Variants in PLEKHG1 observed in about 807,000 individuals in gnomAD.
PLEKHG1 encodes the protein pleckstrin homology and RhoGEF domain containing G1, also known as pleckstrin homology domain-containing family G member 1.
Under a neutral mutation model 100.8 loss-of-function variants are expected in PLEKHG1, and 44 were observed. The observed-to-expected ratio is 0.44, with a 90% confidence interval of 0.34 to 0.56. The LOEUF (loss-of-function observed/expected upper bound fraction) is 0.56. Ranked by LOEUF, PLEKHG1 falls within the 20% of genes least tolerant of loss-of-function variation. The pLI is 0.01. For missense variants in PLEKHG1, 1,545 were observed against 1,720.9 expected, an observed-to-expected ratio of 0.90 and a Z score of 1.81; for synonymous variants, 640 against 662.5, an observed-to-expected ratio of 0.97 and a Z score of 0.52.
intron 2 of PLEKHG1, among the ~76,000 whole-genome samples, chr6:150,767,230 C>T (rs1354318350): frequency 6.6e-6 from 1 of 151,980 alleles, no homozygotes; most frequent in Admixed American, 6.6e-5. Flanking sequence ...TTTTTTGGGC[C>T]TGTCTGTCCT....
intron 1 of PLEKHG1, among the ~76,000 whole-genome samples, chr6:150,615,035 G>A (rs759353603): frequency 2.6e-5 from 4 of 152,180 alleles, no homozygotes; most frequent in African/African-American, 4.8e-5. Flanking sequence ...ATATCCAGGT[G>A]AAATTGTTGT....
rs144320144 is a variant in PLEKHG1, at chr6:150,657,659, T to C, written c.-99+6873T>C. On this transcript the variant is annotated intron_variant, in intron 3 of 3. Transcript: ENST00000367326. ...CAGATGCATAATGGTTAGCAAGTTA[T>C]TCACTTGTTATAAAGCTAGGTACAA... 2.7e-4 allele frequency among the ~76,000 whole-genome samples: 41 copies of C among 152,356 alleles called. No homozygotes were observed. The East Asian group carries it at 4.2e-3, about 16-fold the overall frequency.
At position 150,674,628 on chromosome 6, in the gene PLEKHG1, C is replaced by CCT. The variant is rs35289522; in HGVS notation, c.-99+23844_-99+23845dup. 2.3e-4 allele frequency among the ~76,000 whole-genome samples: 12 copies of CCT among 51,848 alleles called. 1 individual carries two copies. Among genetic ancestry groups the CCT allele is most frequent in the African/African-American group, 8.4e-4 (11 of 13,068 alleles). 34.0% of individuals were successfully genotyped at this position (51,848 alleles called of 152,430 possible). On this transcript the variant is annotated intron_variant, in intron 3 of 3. Coordinates refer to the PLEKHG1 transcript ENST00000367326. ...ATTACACCTGTAACTTTCTCTCTCT[C>CCT]CTCCCTCTCTCTCTCTCTCTCTCTC...
intron 2 of PLEKHG1, among the ~76,000 whole-genome samples, chr6:150,648,193 TCTTAAC>T (rs1778578470): frequency 6.6e-6 from 1 of 152,158 alleles, no homozygotes; most frequent in Admixed American, 6.5e-5. Flanking sequence ...TTTTAAATGA[TCTTAAC>T]CTTTACTATT....
intron 2 of PLEKHG1, among the ~76,000 whole-genome samples, chr6:150,752,921 C>T (rs192435955): frequency 1.2e-4 from 18 of 152,118 alleles, no homozygotes; most frequent in African/African-American, 4.1e-4. Context: ...AAGCCAGCCT[C>T]GGCAACATGG....
intron 3 of PLEKHG1, among the ~76,000 whole-genome samples, chr6:150,679,167 A>C (rs145172433): frequency 6.6e-6 from 1 of 152,252 alleles, no homozygotes; most frequent in Admixed American, 6.5e-5. Flanking sequence ...TCATGTTTGT[A>C]GGATTTTAAA....
chr6:150,771,000 C>T (rs1365494314), intron 3 of PLEKHG1, among the ~76,000 whole-genome samples: 1 of 152,204 alleles, frequency 6.6e-6, no homozygotes, highest in Non-Finnish European at 1.5e-5. Context: ...GGCATTCAGC[C>T]ACGTGCCCTC....
At chr6:150,644,969 GT>G (rs1176719934) in intron 2 of PLEKHG1, among the ~76,000 whole-genome samples, 2 of 152,092 alleles carry the variant, frequency 1.3e-5, no homozygotes, top group Non-Finnish European at 2.9e-5. Context: ...AATTCAACAT[GT>G]TTTTGGTGGA....
intron 3 of PLEKHG1, among the ~76,000 whole-genome samples, chr6:150,685,844 AG>A (rs968092035): frequency 2.0e-5 from 3 of 152,188 alleles, no homozygotes; most frequent in Admixed American, 6.5e-5. Context: ...TAACTAGGGA[AG>A]GGGGGAAAAA....
intron 14 of PLEKHG1, 63 bp from the exon 16 acceptor site, chr6:150,830,519 T>A: frequency 8.2e-7 from 1 of 1,226,904 alleles, no homozygotes. Context: ...CAGGAGAAAT[T>A]CCTGAGTTAT....
chr6:150,677,316 A>G (rs1322232438), intron 3 of PLEKHG1, among the ~76,000 whole-genome samples: 9 of 151,966 alleles, frequency 5.9e-5, no homozygotes, highest in East Asian at 1.9e-4. Flanking sequence ...GCGCGCGCAC[A>G]CACACCACCA....
chr6:150,827,881 T>C (rs374758309), intron 14 of PLEKHG1: 37 of 1,497,506 alleles, frequency 2.5e-5, no homozygotes, highest in Non-Finnish European at 2.9e-5. Context: ...GCTATTGAAA[T>C]GTACAGACAG....
intron 1 of PLEKHG1, among the ~76,000 whole-genome samples, chr6:150,629,140 A>T (rs1165067753): frequency 6.6e-6 from 1 of 152,228 alleles, no homozygotes; most frequent in Non-Finnish European, 1.5e-5. Flanking sequence ...TACTTTGGCC[A>T]GTCTGAAATA....
intron 1 of PLEKHG1, among the ~76,000 whole-genome samples, chr6:150,602,433 G>A (rs1345512433): frequency 6.6e-6 from 1 of 152,148 alleles, no homozygotes; most frequent in African/African-American, 2.4e-5. Flanking sequence ...CTTGTGTGAT[G>A]CTCACATCTA....
At position 150,600,219 on chromosome 6, in the gene PLEKHG1, C is replaced by T. The variant is rs1334477142; in HGVS notation, c.-204+202C>T. Among the ~76,000 whole-genome samples, 1 of 149,584 alleles carries T rather than the reference C, an allele frequency of 6.7e-6. No homozygotes were observed. Among genetic ancestry groups the T allele is most frequent in the Non-Finnish European group, 1.5e-5 (1 of 67,124 alleles). On this transcript the variant is annotated intron_variant, in intron 1 of 3. Coordinates refer to the PLEKHG1 transcript ENST00000367326. The surrounding 1 kb of genome is among the most constrained non-coding windows in gnomAD (Gnocchi z 6.2). ...GCCGAGCGGTGGGGACAGAGGGCGCCGGGGGCACCGCGCGGTGGGGACGGA... is the reference window on the plus strand; with the variant it reads ...GCCGAGCGGTGGGGACAGAGGGCGCTGGGGGCACCGCGCGGTGGGGACGGA...
At chr6:150,601,471 C>T (rs1776355126) in intron 1 of PLEKHG1, among the ~76,000 whole-genome samples, 2 of 152,244 alleles carry the variant, frequency 1.3e-5, no homozygotes, top group Admixed American at 1.3e-4. Context: ...AACCCCTACC[C>T]CCTGTAATTT....
Position 150,683,392 on chromosome 6 carries a change from G to C in PLEKHG1, c.-99+32606G>C, listed in dbSNP as rs1779998771. On this transcript the variant is annotated intron_variant, in intron 3 of 3. Coordinates refer to the PLEKHG1 transcript ENST00000367326. This position sits in a 1 kb window ranked among gnomAD's most constrained non-coding sequence, Gnocchi z 4.0. ...GGAGAGGGGGTGTATATTACAATAA[G>C]ACAGGTTCCGGAGGGAAATGACTTC... Among the ~76,000 whole-genome samples the C allele has an allele frequency of 1.3e-5, 2 of 151,944 alleles. No individual in the cohort carries two copies. Among genetic ancestry groups the C allele is most frequent in the African/African-American group, 4.8e-5 (2 of 41,346 alleles).
rs575545082 is a variant in PLEKHG1, at chr6:150,730,835, G to A, written c.-98-2749G>A. Among the ~76,000 whole-genome samples, 41 of 152,044 alleles carry A rather than the reference G, an allele frequency of 2.7e-4. No individual in the cohort carries two copies. The South Asian group carries it at 6.2e-3, about 23-fold the overall frequency. ...GGAGATCGCTTGAACCTGGGAGGCG[G>A]AGGTTGCAATGAGCTGAGATCATAC... On this transcript the variant is annotated intron_variant, in intron 1 of 15. Coordinates refer to ENST00000358517, the Ensembl canonical transcript of PLEKHG1.
chr6:150,638,028 CACTT>C (rs1305481793), intron 1 of PLEKHG1: 2 of 152,104 alleles, frequency 1.3e-5, no homozygotes, highest in African/African-American at 4.8e-5. Context: ...TATATTTTGG[CACTT>C]ACTTGTTTAA....
Sources: gnomAD v4.1 joint callset for allele counts (sites outside exome capture counted in the v4.1 genomes callset) on GRCh38, gnomAD v4.1.1 for gene constraint, Gnocchi (gnomAD v3.1) non-coding constraint, MANE v1.5 for transcripts, NCBI Gene and HGNC (gene_info 2026-07-23, HGNC 2026-07-21) for gene names.